Variants in PDE4B observed in about 807,000 individuals in gnomAD.
The protein encoded by PDE4B is phosphodiesterase 4B.
A neutral mutation model predicts 82.2 loss-of-function variants in PDE4B; 20 were observed. The ratio of observed to expected loss-of-function variants is 0.24; its 90% CI spans 0.17 to 0.35. The LOEUF (loss-of-function observed/expected upper bound fraction) is 0.35, where lower values mean the gene tolerates loss of function less well. Ranked by LOEUF, PDE4B falls within the 10% of genes least tolerant of loss-of-function variation. PDE4B has a pLI of 1.00. For missense variants in PDE4B, 655 were observed against 907.2 expected (o/e 0.72, Z 3.57); for synonymous variants, 320 against 318.9 (o/e 1.00, Z -0.04).
Position 66,372,700 on chromosome 1 carries a change from G to T in PDE4B, c.*22G>T. The T allele has an allele frequency of 6.3e-7, 1 of 1,593,548 alleles. No homozygotes were observed. The highest frequency in any genetic ancestry group is 1.1e-5 in the South Asian group (1 of 87,202). On this transcript the variant is annotated 3_prime_UTR_variant, in exon 17 of 17. Coordinates refer to ENST00000341517, the MANE Select transcript of PDE4B (RefSeq NM_002600.4). ...ATAATCCCCCTCTCCCTGTGGAGAT[G>T]AACATTCTATCCTTGATGAGCATGC... is the stretch of plus-strand genomic sequence containing the variant.
intron 1 of PDE4B, among the ~76,000 whole-genome samples, chr1:65,860,494 C>T (rs938762843): frequency 9.9e-5 from 15 of 152,174 alleles, no homozygotes; most frequent in African/African-American, 2.9e-4. Flanking sequence ...GTGAACAGTG[C>T]TGCAATAAAC....
chr1:66,070,102 G>A (rs1035240959), intron 3 of PDE4B, among the ~76,000 whole-genome samples: 4 of 151,932 alleles, frequency 2.6e-5, no homozygotes, highest in Admixed American at 6.6e-5. Context: ...TCTGTTTCAC[G>A]TTCATACACT....
At chr1:66,116,211 G>GT (rs5774800) in intron 3 of PDE4B, among the ~76,000 whole-genome samples, 82 of 151,618 alleles carry the variant, frequency 5.4e-4, no homozygotes, top group African/African-American at 1.9e-3. Context: ...CTATTTCTGG[G>GT]TTTTTTTTTT....
At chr1:65,794,702 C>CT (rs1474198884) in intron 1 of PDE4B, among the ~76,000 whole-genome samples, 4 of 152,078 alleles carry the variant, frequency 2.6e-5, no homozygotes, top group Admixed American at 6.5e-5. Flanking sequence ...TGTTTCTATT[C>CT]TTTTTCATTT....
intron 8 of PDE4B, among the ~76,000 whole-genome samples, chr1:66,350,016 G>A (rs1326354897): frequency 2.6e-5 from 4 of 151,804 alleles, no homozygotes; most frequent in Non-Finnish European, 5.9e-5. Flanking sequence ...GCTAAGACAG[G>A]GACAGACTCT....
chr1:66,136,933 G>A (rs895354291), intron 3 of PDE4B, among the ~76,000 whole-genome samples: 6 of 152,238 alleles, frequency 3.9e-5, no homozygotes, highest in African/African-American at 1.4e-4. Context: ...GGGATGTTGT[G>A]AAGAGATGCA....
intron 7 of PDE4B, among the ~76,000 whole-genome samples, chr1:66,319,352 C>A (rs566651283): frequency 6.6e-6 from 1 of 152,302 alleles, no homozygotes; most frequent in Admixed American, 6.5e-5. Flanking sequence ...TTTCATTCTA[C>A]AAATAAAGAT....
At chr1:66,346,518 C>CA (rs1334380560) in intron 8 of PDE4B, among the ~76,000 whole-genome samples, 1 of 152,156 alleles carries the variant, frequency 6.6e-6, no homozygotes, top group Non-Finnish European at 1.5e-5. Flanking sequence ...CTTCATCTAT[C>CA]TTTCTGGCAA....
intron 3 of PDE4B, among the ~76,000 whole-genome samples, chr1:65,934,312 G>C (rs1648000941): frequency 6.6e-6 from 1 of 152,102 alleles, no homozygotes; most frequent in South Asian, 2.1e-4. Context: ...AATTAGTTGA[G>C]CATGGTGGCA....
chr1:65,968,233 T>C (rs1263731702), intron 3 of PDE4B, among the ~76,000 whole-genome samples: 2 of 152,098 alleles, frequency 1.3e-5, no homozygotes, highest in African/African-American at 2.4e-5. Context: ...ACCCATTTGT[T>C]AAAAAGAGGA....
At chr1:66,093,880 G>T (rs996163899) in intron 3 of PDE4B, among the ~76,000 whole-genome samples, 2 of 152,014 alleles carry the variant, frequency 1.3e-5, no homozygotes, top group South Asian at 2.1e-4. Context: ...TGGAAAAGTA[G>T]AAGGGACCCA....
intron 1 of PDE4B, among the ~76,000 whole-genome samples, chr1:65,853,542 T>TA (rs71590333): frequency 1.3e-5 from 2 of 150,872 alleles, no homozygotes; most frequent in South Asian, 2.1e-4. Flanking sequence ...TTTTTTTTTT[T>TA]ATTTTTGAGA....
intron 1 of PDE4B, among the ~76,000 whole-genome samples, chr1:65,911,735 C>T (rs573925126): frequency 6.6e-6 from 1 of 152,206 alleles, no homozygotes; most frequent in African/African-American, 2.4e-5. Flanking sequence ...TTGTCCTTTG[C>T]ATATTGAATC....
At chr1:66,227,572 G>T (rs1651555540) in intron 3 of PDE4B, among the ~76,000 whole-genome samples, 1 of 151,960 alleles carries the variant, frequency 6.6e-6, no homozygotes, top group Non-Finnish European at 1.5e-5. Flanking sequence ...ACTTCACCTA[G>T]CCCTCCCACA....
chr1:66,267,919 G>A (rs1025269952), intron 7 of PDE4B, among the ~76,000 whole-genome samples: 3 of 152,192 alleles, frequency 2.0e-5, no homozygotes, highest in Non-Finnish European at 2.9e-5. Context: ...ACAAAGAGGT[G>A]TGTTTAAATA....
intron 1 of PDE4B, among the ~76,000 whole-genome samples, chr1:65,812,124 G>A (rs1264336531): frequency 1.3e-5 from 2 of 152,130 alleles, no homozygotes; most frequent in Non-Finnish European, 2.9e-5. Flanking sequence ...GGCTTTGAGA[G>A]CAGATGAATT....
chr1:66,057,740 GGA>G (rs1457008276), intron 3 of PDE4B, among the ~76,000 whole-genome samples: 1 of 152,104 alleles, frequency 6.6e-6, no homozygotes, highest in African/African-American at 2.4e-5. Flanking sequence ...GAACAGCAAG[GGA>G]GAGACCTGCT....
intron 1 of PDE4B, among the ~76,000 whole-genome samples, chr1:65,881,544 G>A (rs1196992693): frequency 2.0e-5 from 3 of 152,136 alleles, no homozygotes; most frequent in East Asian, 3.9e-4. Flanking sequence ...CCCAGAAAGA[G>A]CAATTTACAA....
chr1:66,179,702 C>A (rs760611863), intron 3 of PDE4B, among the ~76,000 whole-genome samples: 1 of 152,174 alleles, frequency 6.6e-6, no homozygotes, highest in African/African-American at 2.4e-5. Flanking sequence ...AATTAGCTTG[C>A]TGTATAGACT....
Sources: gnomAD v4.1 joint callset for allele counts (sites outside exome capture counted in the v4.1 genomes callset) on GRCh38, gnomAD v4.1.1 for gene constraint, MANE v1.5 for transcripts, NCBI Gene and HGNC (gene_info 2026-07-23, HGNC 2026-07-21) for gene names.